Variants in CACNA1C observed in about 807,000 individuals in gnomAD.
The protein encoded by CACNA1C is calcium voltage-gated channel subunit alpha1 C, also known as voltage-dependent L-type calcium channel subunit alpha-1C.
In CACNA1C, 30 loss-of-function variants were observed where a neutral mutation model predicts 229.0. The observed-to-expected ratio is 0.13, with a 90% CI of 0.10 to 0.18. The LOEUF (loss-of-function observed/expected upper bound fraction) is 0.18, where lower values mean the gene tolerates loss of function less well. CACNA1C is among the 10% of genes least tolerant of loss of function. The probability of loss-of-function intolerance (pLI) is 1.00; values close to 1 mark genes in which losing one functional copy is unlikely to be tolerated. For synonymous variants in CACNA1C, 1,114 were observed against 1,132.5 expected (o/e 0.98, Z 0.33); for missense variants, 1,658 against 2,845.0 (o/e 0.58, Z 9.49).
At chr12:2,365,066 C>T (rs140736861) in intron 3 of CACNA1C, among the ~76,000 whole-genome samples, 3 of 152,214 alleles carry the variant, frequency 2.0e-5, no homozygotes, top group African/African-American at 7.2e-5. Flanking sequence ...ACAAAGCATT[C>T]CAGTCTTTCT....
At chr12:2,351,039 G>A (rs2097188339) in intron 3 of CACNA1C, among the ~76,000 whole-genome samples, 1 of 152,226 alleles carries the variant, frequency 6.6e-6, no homozygotes, top group Non-Finnish European at 1.5e-5. Flanking sequence ...GTTCCCTCGG[G>A]CCCCTTCTGA....
intron 13 of CACNA1C, among the ~76,000 whole-genome samples, chr12:2,580,435 A>G (rs1189991917): frequency 1.3e-5 from 2 of 152,144 alleles, no homozygotes; most frequent in Non-Finnish European, 2.9e-5. Flanking sequence ...AAAGCAATCC[A>G]CTGTCTGGAT....
intron 3 of CACNA1C, among the ~76,000 whole-genome samples, chr12:2,295,956 G>A (rs2093998691): frequency 6.6e-6 from 1 of 152,242 alleles, no homozygotes; most frequent in Admixed American, 6.5e-5. Flanking sequence ...TTATCCCTGT[G>A]ATTGGGTTTT....
chr12:2,596,470 T>C (rs1218469643), intron 20 of CACNA1C, among the ~76,000 whole-genome samples: 1 of 152,158 alleles, frequency 6.6e-6, no homozygotes, highest in Non-Finnish European at 1.5e-5. Context: ...TGGTGAACAA[T>C]ATTAAAGGCC....
At chr12:2,458,733 G>T (rs149231460) in intron 5 of CACNA1C, among the ~76,000 whole-genome samples, 1 of 152,160 alleles carries the variant, frequency 6.6e-6, no homozygotes, top group African/African-American at 2.4e-5. Context: ...CCGGTGTGCT[G>T]CTGGGTGGTA....
intron 3 of CACNA1C, among the ~76,000 whole-genome samples, chr12:2,179,666 A>G (rs1258168458): frequency 6.6e-6 from 1 of 152,246 alleles, no homozygotes; most frequent in Non-Finnish European, 1.5e-5. Context: ...GGATGTCCAG[A>G]GGAAGGAACA....
intron 3 of CACNA1C, among the ~76,000 whole-genome samples, chr12:2,177,136 G>A (rs574531676): frequency 4.3e-4 from 66 of 152,244 alleles, no homozygotes; most frequent in African/African-American, 1.6e-3. Context: ...AACACCCAGA[G>A]AGCCCTTCTG....
At chr12:1,999,750 A>T (rs1378010303) in intron 1 of CACNA1C, among the ~76,000 whole-genome samples, 1 of 152,176 alleles carries the variant, frequency 6.6e-6, no homozygotes, top group Non-Finnish European at 1.5e-5. Context: ...ATAAATAACA[A>T]TTAAAACAAC....
intron 3 of CACNA1C, among the ~76,000 whole-genome samples, chr12:2,136,473 C>T (rs1445433427): frequency 6.6e-6 from 1 of 151,388 alleles, no homozygotes; most frequent in Non-Finnish European, 1.5e-5. Flanking sequence ...AACTGCTATG[C>T]TGTGTGGCCC....
intron 3 of CACNA1C, among the ~76,000 whole-genome samples, chr12:2,280,167 A>G (rs1001041868): frequency 5.5e-5 from 8 of 144,904 alleles, no homozygotes; most frequent in East Asian, 2.0e-4. Flanking sequence ...GCTTCGGTTT[A>G]ACCTCTTGAT....
chr12:2,594,110 T>C (rs559216290), intron 19 of CACNA1C, among the ~76,000 whole-genome samples: 1 of 152,386 alleles, frequency 6.6e-6, no homozygotes, highest in Non-Finnish European at 1.5e-5. Context: ...TATTTGTAGC[T>C]GCTTTTAACA....
rs780727185 is a variant in CACNA1C at position 2,566,390 on chromosome 12, A to G, written c.1509-32A>G. 5 of 1,546,902 alleles carry G rather than the reference A, an allele frequency of 3.2e-6. No individual in the cohort carries two copies. The Admixed American group carries it at 5.7e-5, about 18-fold the overall frequency. ...TGGAGGAAACCTGAATTCACAGCCA[A>G]CCCCACCCTTCTCTCCCTGTCCCCT... On this transcript the variant is annotated intron_variant, in intron 11 of 46. Coordinates refer to ENST00000399655, the MANE Select transcript of CACNA1C (RefSeq NM_000719.7). The surrounding 1 kb of genome is among the most constrained non-coding windows in gnomAD (Gnocchi z 4.0).
chr12:2,145,028 G>T (rs2094577156), intron 3 of CACNA1C, among the ~76,000 whole-genome samples: 1 of 151,378 alleles, frequency 6.6e-6, no homozygotes, highest in East Asian at 1.9e-4. Flanking sequence ...CACTATATTG[G>T]AGAGATTGTT....
chr12:2,591,926 C>G (rs1007321835), intron 18 of CACNA1C, among the ~76,000 whole-genome samples: 2 of 152,184 alleles, frequency 1.3e-5, no homozygotes, highest in Non-Finnish European at 2.9e-5. Flanking sequence ...TTCACATGGC[C>G]TTCTTCCCTA....
chr12:2,144,033 TCAAA>T (rs1234328856), intron 3 of CACNA1C, among the ~76,000 whole-genome samples: 1 of 151,454 alleles, frequency 6.6e-6, no homozygotes, highest in Admixed American at 6.6e-5. Flanking sequence ...GTTGGTCCAG[TCAAA>T]CAAAGATGAA....
intron 3 of CACNA1C, among the ~76,000 whole-genome samples, chr12:2,225,019 C>T (rs551368319): frequency 2.6e-5 from 4 of 152,292 alleles, no homozygotes; most frequent in South Asian, 2.1e-4. Context: ...GATGAATAAA[C>T]GTTCGCACTC....
intron 1 of CACNA1C, among the ~76,000 whole-genome samples, chr12:2,043,073 G>A (rs1427886660): frequency 6.6e-6 from 1 of 152,296 alleles, no homozygotes; most frequent in Non-Finnish European, 1.5e-5. Flanking sequence ...GAACTATTAT[G>A]TGCTACATAA....
In CACNA1C at chr12:2,679,470, C is replaced by G; in HGVS notation, c.5118C>G (p.His1706Gln). ...GGGCCGGTGGCCTGTTCGGCAACCA[C>G]GTCAGCTACTACCAAAGCGACGGCC... Reference protein sequence around the residue: ...FRRAGGLFGNHVSYYQSDGRS... With the variant: ...FRRAGGLFGNQVSYYQSDGRS... The change falls in exon 42 of 47, where the codon CAC becomes CAG. Residue 1706 changes from histidine (H) to glutamine (Q), a missense_variant. His to Gln is a conservative substitution (Grantham distance 24, BLOSUM62 0). This residue lies in a region of CACNA1C where 590 missense variants were observed against 700.8 expected (regional missense o/e 0.84). Coordinates refer to ENST00000399655, the MANE Select transcript of CACNA1C (RefSeq NM_000719.7). This position sits in a 1 kb window ranked among gnomAD's most constrained non-coding sequence, Gnocchi z 5.5. The G allele has an allele frequency of 1.3e-6, 2 of 1,589,828 alleles. No homozygotes were observed. Among genetic ancestry groups the G allele is most frequent in the Non-Finnish European group, 1.7e-6 (2 of 1,166,634 alleles).
At chr12:2,507,813 C>T (rs956613949) in intron 8 of CACNA1C, among the ~76,000 whole-genome samples, 6 of 152,212 alleles carry the variant, frequency 3.9e-5, no homozygotes, top group South Asian at 2.1e-4. Context: ...TGAGCCCAAG[C>T]GATGTGAATC....
Sources: gnomAD v4.1 joint callset for allele counts (sites outside exome capture counted in the v4.1 genomes callset) on GRCh38, gnomAD v4.1.1 for gene constraint, gnomAD v4.1.1 regional missense constraint, Gnocchi (gnomAD v3.1) non-coding constraint, MANE v1.5 for transcripts, NCBI Gene and HGNC (gene_info 2026-07-23, HGNC 2026-07-21) for gene names.